FAM170A: variants seen among roughly 807,000 people sequenced by gnomAD.
FAM170A encodes the protein protein FAM170A.
Under a neutral mutation model 36.6 loss-of-function variants are expected in FAM170A, and 28 were observed. That is an observed-to-expected ratio of 0.76 (90% CI 0.57 to 1.05). The LOEUF (loss-of-function observed/expected upper bound fraction) is 1.05. Ranked by LOEUF, FAM170A falls within the 50% of genes least tolerant of loss-of-function variation. FAM170A has a pLI of 0.00. For missense variants in FAM170A, 434 were observed against 396.5 expected (o/e 1.09, Z -0.80); for synonymous variants, 156 against 143.9 (o/e 1.08, Z -0.60).
chr5:119,632,985 C>A (rs769838574), intron 2 of FAM170A, 97 bp downstream of exon 2: 9 of 1,369,788 alleles, frequency 6.6e-6, no homozygotes, highest in Non-Finnish European at 8.8e-6. Flanking sequence ...GCATGAGACT[C>A]TTTGGTTGCA....
chr5:119,629,639 G>C, exon 1 of FAM170A: 1 of 688,998 alleles, frequency 1.5e-6, no homozygotes, highest in South Asian at 1.7e-5. Context: ...TAGCTATCTC[G>C]GAGATTCAAC....
At chr5:119,629,567 C>A in exon 1 of FAM170A, 1 of 409,400 alleles carries the variant, frequency 2.4e-6, no homozygotes. Context: ...TGAACCTTAA[C>A]AGCCCTGCAG....
At chr5:119,630,116 C>T (rs1359071326) in intron 1 of FAM170A, among the ~76,000 whole-genome samples, 2 of 146,448 alleles carry the variant, frequency 1.4e-5, no homozygotes, top group Non-Finnish European at 3.0e-5. Context: ...TGGTCTCGAT[C>T]TCCTGACCTC....
rs972955148 is a variant in FAM170A, at chr5:119,629,857, T to G, written c.70+19T>G. The G allele has an allele frequency of 8.0e-5, 128 of 1,599,818 alleles. No individual in the cohort carries two copies. Among genetic ancestry groups the G allele is most frequent in the Non-Finnish European group, 1.1e-4 (126 of 1,167,956 alleles). On this transcript the variant is annotated intron_variant, in intron 1 of 4. Transcript: ENST00000613773. ...GGAGGAGGTATGTGCGGGGCAAACT[T>G]TCTGGGGCACAAGCGTCACTGGCCA...
intron 1 of FAM170A, 142 bp from the exon 2 acceptor site, chr5:119,632,606 C>A: frequency 1.5e-6 from 1 of 662,040 alleles, no homozygotes; most frequent in Non-Finnish European, 2.4e-6. Flanking sequence ...ACTGGAGTAT[C>A]CACCAGAAGC....
chr5:119,633,252 G>A (rs1012757305), intron 2 of FAM170A, among the ~76,000 whole-genome samples: 2 of 152,142 alleles, frequency 1.3e-5, no homozygotes, highest in African/African-American at 4.8e-5. Context: ...AGGCTAAGAA[G>A]AAACCCAGGG....
chr5:119,635,207 G>C, intron 4 of FAM170A, 121 bp downstream of exon 4: 1 of 658,008 alleles, frequency 1.5e-6, no homozygotes. Flanking sequence ...TCAACTTATC[G>C]TGCACCTGGT....
chr5:119,634,309 C>T, exon 3 of FAM170A: 1 of 1,614,158 alleles, frequency 6.2e-7, no homozygotes, highest in Non-Finnish European at 8.5e-7. Context: ...ACAGTGAGCC[C>T]AGTGGGGAGG....
Position 119,633,907 on chromosome 5 carries a change from CA to C in FAM170A, c.212-52del. ...CACACATATTTAACTTACGTTCCCT[CA>C]GCTCCTAGCATGGCCCATGCATCTG... On this transcript the variant is annotated intron_variant, in intron 2 of 4. Transcript: ENST00000613773. 3 of 1,560,772 alleles carry C rather than the reference CA, an allele frequency of 1.9e-6. No homozygotes were observed. The East Asian group carries it at 6.8e-5, about 35-fold the overall frequency.
intron 2 of FAM170A, among the ~76,000 whole-genome samples, chr5:119,633,667 A>G (rs1476533042): frequency 2.0e-5 from 3 of 152,124 alleles, no homozygotes; most frequent in South Asian, 4.1e-4. Flanking sequence ...TAACACATCA[A>G]TGATGGCACC....
chr5:119,634,586 C>G, exon 3 of FAM170A: 2 of 1,613,190 alleles, frequency 1.2e-6, no homozygotes, highest in South Asian at 2.2e-5. Flanking sequence ...CCAAGATGAG[C>G]AGGAGGAGGA....
At chr5:119,634,670 C>T (rs764973560) in exon 3 of FAM170A, 3 of 1,588,008 alleles carry the variant, frequency 1.9e-6, no homozygotes, top group Admixed American at 1.7e-5. Flanking sequence ...AGAAGAAGAC[C>T]TTGGCCTGAG....
exon 1 of FAM170A, chr5:119,629,669 T>A (rs534765831): frequency 1.1e-6 from 1 of 902,752 alleles, no homozygotes; most frequent in Admixed American, 2.0e-5. Context: ...TCGTACTGAA[T>A]CTTTTTAATG....
intron 2 of FAM170A, 46 bp downstream of exon 2, chr5:119,632,934 G>T (rs1442850494): frequency 6.6e-7 from 1 of 1,520,736 alleles, no homozygotes; most frequent in Non-Finnish European, 8.9e-7. Context: ...TGGCTGTGGG[G>T]TTCATTGGGC....
chr5:119,632,230 C>T (rs539990067), intron 1 of FAM170A, among the ~76,000 whole-genome samples: 2 of 152,244 alleles, frequency 1.3e-5, no homozygotes, highest in Non-Finnish European at 2.9e-5. Flanking sequence ...GGAAAGTCCA[C>T]TTAGAAGAAG....
At chr5:119,634,676 C>T (rs762251879) in exon 3 of FAM170A, 2 of 1,574,654 alleles carry the variant, frequency 1.3e-6, no homozygotes, top group Non-Finnish European at 1.7e-6. Context: ...AGACCTTGGC[C>T]TGAGGAGATC....
intron 2 of FAM170A, 50 bp downstream of exon 2, chr5:119,632,938 A>AT: frequency 6.6e-7 from 1 of 1,514,244 alleles, no homozygotes; most frequent in South Asian, 1.3e-5. Context: ...TGTGGGGTTC[A>AT]TTGGGCATGA....
At chr5:119,634,446 G>C in exon 3 of FAM170A, 1 of 1,614,182 alleles carries the variant, frequency 6.2e-7, no homozygotes, top group Non-Finnish European at 8.5e-7. Flanking sequence ...TGCATGGCCT[G>C]CTGCCGGGTG....
chr5:119,630,900 A>G (rs1756235577), intron 1 of FAM170A, among the ~76,000 whole-genome samples: 1 of 152,214 alleles, frequency 6.6e-6, no homozygotes. Flanking sequence ...AAATATCTTG[A>G]GAAGTGAAAT....
Sources: gnomAD v4.1 joint callset for allele counts (sites outside exome capture counted in the v4.1 genomes callset) on GRCh38, gnomAD v4.1.1 for gene constraint, MANE v1.5 for transcripts, NCBI Gene and HGNC (gene_info 2026-07-23, HGNC 2026-07-21) for gene names.